The following TBC1D5 variants were observed in gnomAD, a reference collection of about 807,000 sequenced individuals.
TBC1D5 encodes the protein TBC1 domain family, member 5.
TBC1D5 carries 75 observed loss-of-function variants against 100.3 expected under a neutral mutation model. The observed-to-expected ratio is 0.75, with a 90% CI of 0.62 to 0.91. The LOEUF is 0.91. Ranked by LOEUF, TBC1D5 falls within the 40% of genes least tolerant of loss-of-function variation. The pLI is 0.00. For synonymous variants in TBC1D5, 323 were observed against 325.6 expected, an observed-to-expected ratio of 0.99 and a Z score of 0.09; for missense variants, 910 against 942.4, an observed-to-expected ratio of 0.97 and a Z score of 0.45.
intron 15 of TBC1D5, among the ~76,000 whole-genome samples, chr3:17,283,897 CT>C (rs567056695): frequency 3.9e-5 from 6 of 152,096 alleles, no homozygotes; most frequent in Admixed American, 3.9e-4. Context: ...ATAGCCTAAG[CT>C]CTTTTCTGCT....
At chr3:17,455,564 T>C (rs2095065192) in intron 3 of TBC1D5, among the ~76,000 whole-genome samples, 1 of 149,348 alleles carries the variant, frequency 6.7e-6, no homozygotes, top group Non-Finnish European at 1.5e-5. Context: ...ATAGGTCTGG[T>C]GCAGTGGCTC....
chr3:17,549,542 TATG>T (rs1350082427), intron 2 of TBC1D5, among the ~76,000 whole-genome samples: 2 of 152,210 alleles, frequency 1.3e-5, no homozygotes, highest in Non-Finnish European at 2.9e-5. Context: ...AAGCCTTTAG[TATG>T]ATTTTTATTA....
At chr3:17,587,268 A>C (rs2096738660) in intron 2 of TBC1D5, among the ~76,000 whole-genome samples, 1 of 152,088 alleles carries the variant, frequency 6.6e-6, no homozygotes, top group African/African-American at 2.4e-5. Context: ...ATAATAAAAA[A>C]TTACTGAACA....
intron 17 of TBC1D5, among the ~76,000 whole-genome samples, chr3:17,229,859 C>T (rs1345026334): frequency 6.6e-6 from 1 of 152,066 alleles, no homozygotes; most frequent in African/African-American, 2.4e-5. Context: ...TAGATTAAAG[C>T]AAAATGGAAT....
At chr3:17,554,629 T>A (rs1407277150) in intron 2 of TBC1D5, among the ~76,000 whole-genome samples, 1 of 152,130 alleles carries the variant, frequency 6.6e-6, no homozygotes, top group Admixed American at 6.5e-5. Flanking sequence ...TTCTTTATTC[T>A]CCCCCATCAT....
intron 3 of TBC1D5, among the ~76,000 whole-genome samples, chr3:17,441,003 T>C (rs2149534237): frequency 6.6e-6 from 1 of 152,042 alleles, no homozygotes; most frequent in South Asian, 2.1e-4. Flanking sequence ...TGGGTGGGTG[T>C]AGGAAAAAGG....
intron 16 of TBC1D5, among the ~76,000 whole-genome samples, chr3:17,254,785 C>A: frequency 7.3e-6 from 1 of 137,672 alleles, no homozygotes; most frequent in Admixed American, 7.3e-5. Context: ...GGTCCCAAGA[C>A]TACCAATTAG....
intron 15 of TBC1D5, among the ~76,000 whole-genome samples, chr3:17,274,074 C>T (rs543726613): frequency 6.6e-6 from 1 of 150,862 alleles, no homozygotes; most frequent in Admixed American, 6.6e-5. Context: ...ACAGAATGCT[C>T]ATATTACCTT....
At chr3:17,370,807 T>C (rs1346346794) in intron 13 of TBC1D5, among the ~76,000 whole-genome samples, 2 of 152,152 alleles carry the variant, frequency 1.3e-5, no homozygotes, top group South Asian at 2.1e-4. Flanking sequence ...TTCTCTGCAA[T>C]TGAAATAATG....
At chr3:17,740,193 T>TG (rs1383279533) in exon 1 of TBC1D5, 1 of 151,476 alleles carries the variant, frequency 6.6e-6, no homozygotes, top group Non-Finnish European at 1.5e-5. Flanking sequence ...TCGGGAGTGG[T>TG]GGCGGGCGGC....
chr3:17,288,379 C>T (rs984686158), intron 15 of TBC1D5, among the ~76,000 whole-genome samples: 1 of 152,162 alleles, frequency 6.6e-6, no homozygotes, highest in Non-Finnish European at 1.5e-5. Context: ...TGAAACCTGA[C>T]CTTCCAGCCA....
At chr3:17,636,936 T>G (rs563442241) in intron 1 of TBC1D5, among the ~76,000 whole-genome samples, 3 of 152,296 alleles carry the variant, frequency 2.0e-5, no homozygotes, top group South Asian at 4.1e-4. Context: ...TGTAAGACAG[T>G]AGGGTTAACT....
intron 13 of TBC1D5, among the ~76,000 whole-genome samples, chr3:17,330,205 C>G (rs2086700286): frequency 6.6e-6 from 1 of 152,108 alleles, no homozygotes; most frequent in African/African-American, 2.4e-5. Flanking sequence ...AGTTAAAAGT[C>G]TATAGTCTAT....
chr3:17,485,707 T>C (rs1443070339), intron 3 of TBC1D5, among the ~76,000 whole-genome samples: 2 of 152,070 alleles, frequency 1.3e-5, no homozygotes, highest in African/African-American at 4.8e-5. Flanking sequence ...TTCCATGATG[T>C]ATATGTGCCA....
chr3:17,636,363 A>C (rs2063928715), intron 1 of TBC1D5, among the ~76,000 whole-genome samples: 1 of 152,222 alleles, frequency 6.6e-6, no homozygotes, highest in East Asian at 1.9e-4. Flanking sequence ...GAGGGACCAA[A>C]AGGTTAAATA....
chr3:17,548,229 A>T (rs1295267558), intron 2 of TBC1D5, among the ~76,000 whole-genome samples: 1 of 152,074 alleles, frequency 6.6e-6, no homozygotes, highest in Admixed American at 6.6e-5. Flanking sequence ...GCAGGAGAAT[A>T]GCTTGAATCC....
intron 1 of TBC1D5, among the ~76,000 whole-genome samples, chr3:17,690,842 G>T (rs1445489266): frequency 1.3e-5 from 2 of 152,174 alleles, no homozygotes; most frequent in African/African-American, 4.8e-5. Context: ...GTGCCAAAAA[G>T]GGGGGACTGC....
At chr3:17,527,754 T>A (rs1395399386) in intron 2 of TBC1D5, among the ~76,000 whole-genome samples, 2 of 151,952 alleles carry the variant, frequency 1.3e-5, no homozygotes, top group African/African-American at 4.8e-5. Flanking sequence ...TAAAAGAAGG[T>A]AAACCAAGTA....
intron 13 of TBC1D5, among the ~76,000 whole-genome samples, chr3:17,317,747 A>G (rs1464315313): frequency 6.6e-6 from 1 of 152,200 alleles, no homozygotes; most frequent in African/African-American, 2.4e-5. Context: ...ATTTATATCA[A>G]TTTTTTGATT....
Sources: gnomAD v4.1 joint callset for allele counts (sites outside exome capture counted in the v4.1 genomes callset) on GRCh38, gnomAD v4.1.1 for gene constraint, MANE v1.5 for transcripts, NCBI Gene and HGNC (gene_info 2026-07-23, HGNC 2026-07-21) for gene names.